RORA: variants seen among roughly 807,000 people sequenced by gnomAD.
RORA encodes RAR related orphan receptor A.
A neutral mutation model predicts 69.5 loss-of-function variants in RORA; 7 were observed. The ratio of observed to expected loss-of-function variants is 0.10; its 90% CI spans 0.06 to 0.19. The LOEUF is 0.19. Among genes scored for constraint, RORA ranks in the 10% least tolerant of loss-of-function variants. The probability of loss-of-function intolerance (pLI) is 1.00; values close to 1 mark genes in which losing one functional copy is unlikely to be tolerated. For synonymous variants in RORA, 261 were observed against 240.8 expected, an observed-to-expected ratio of 1.08 and a Z score of -0.78; for missense variants, 457 against 663.0, an observed-to-expected ratio of 0.69 and a Z score of 3.41.
At chr15:61,078,472 T>A (rs1204307907) in intron 1 of RORA, among the ~76,000 whole-genome samples, 1 of 152,108 alleles carries the variant, frequency 6.6e-6, no homozygotes, top group Non-Finnish European at 1.5e-5. Flanking sequence ...GTGTTGGGAT[T>A]ACAGGCATGA....
intron 1 of RORA, among the ~76,000 whole-genome samples, chr15:60,870,253 A>G (rs150928132): frequency 9.3e-4 from 142 of 152,342 alleles, no homozygotes; most frequent in African/African-American, 3.0e-3. Flanking sequence ...GGCTAAATAA[A>G]GGTAAATTAA....
At position 60,496,985 on chromosome 15, in the gene RORA, A is replaced by G. The variant is rs1366393310; in HGVS notation, c.*470T>C. ...CATGCCATCCTGCGGACTGGCAATA[A>G]TCGGTGAAAAAATAAAAACTTCCTT... is the stretch of plus-strand genomic sequence containing the variant. On this transcript the variant is annotated 3_prime_UTR_variant, in exon 11 of 11. Transcript: ENST00000335670. This position sits in a 1 kb window ranked among gnomAD's most constrained non-coding sequence, Gnocchi z 4.5. 2 of 154,278 alleles carry G rather than the reference A, an allele frequency of 1.3e-5. No individual in the cohort carries two copies. The highest frequency in any genetic ancestry group is 4.8e-5 in the African/African-American group (2 of 41,442). 9.6% of individuals were successfully genotyped at this position (154,278 alleles called of 1,614,324 possible).
intron 2 of RORA, among the ~76,000 whole-genome samples, chr15:60,644,731 T>C (rs868434890): frequency 3.9e-5 from 6 of 152,162 alleles, no homozygotes; most frequent in African/African-American, 1.4e-4. Context: ...CCGTGTTCTG[T>C]GGCTGGTGTG....
At chr15:60,773,572 C>T (rs1255075747) in intron 1 of RORA, among the ~76,000 whole-genome samples, 2 of 152,090 alleles carry the variant, frequency 1.3e-5, no homozygotes, top group African/African-American at 2.4e-5. Context: ...AGTGATACCC[C>T]GATAACTATT....
At chr15:61,113,762 A>G (rs945440858) in intron 1 of RORA, among the ~76,000 whole-genome samples, 2 of 152,186 alleles carry the variant, frequency 1.3e-5, no homozygotes, top group Admixed American at 1.3e-4. Flanking sequence ...AGAAGAAGGC[A>G]CATTTGGTTT....
At chr15:60,955,704 T>A (rs1043505872) in intron 1 of RORA, among the ~76,000 whole-genome samples, 28 of 152,190 alleles carry the variant, frequency 1.8e-4, no homozygotes, top group African/African-American at 6.5e-4. Flanking sequence ...TTGGCCCCCA[T>A]ATATGCTCTA....
rs112017127 is a variant in RORA at position 60,943,418 on chromosome 15, T to TA, written c.167-264733dup. 2.5e-3 allele frequency among the ~76,000 whole-genome samples: 377 copies of TA among 152,192 alleles called. 1 individual carries two copies. Among genetic ancestry groups the TA allele is most frequent in the African/African-American group, 8.8e-3 (366 of 41,468 alleles). On this transcript the variant is annotated intron_variant, in intron 1 of 10. Transcript: ENST00000335670. ...TCTGAGGCACTCTTGTTCTTTGCTG[T>TA]ATCAAGGTCATACTTAAAAAGAGAT...
chr15:60,612,661 G>GTTTTTTTTT (rs71122864), intron 2 of RORA, among the ~76,000 whole-genome samples: 4 of 107,146 alleles, frequency 3.7e-5, no homozygotes, highest in Non-Finnish European at 5.8e-5. Context: ...CTCTCTCTCT[G>GTTTTTTTTT]TTTTTTTTTT....
chr15:60,840,342 G>A (rs1199750468), intron 1 of RORA, among the ~76,000 whole-genome samples: 1 of 152,250 alleles, frequency 6.6e-6, no homozygotes, highest in African/African-American at 2.4e-5. Flanking sequence ...CACAGGCCTG[G>A]TGGAGATTGA....
At chr15:60,864,041 G>A (rs938516007) in intron 1 of RORA, among the ~76,000 whole-genome samples, 1 of 152,130 alleles carries the variant, frequency 6.6e-6, no homozygotes, top group Non-Finnish European at 1.5e-5. Context: ...TCCTGACCTC[G>A]TGATCCGCCT....
chr15:60,670,698 G>A (rs1014289338), intron 2 of RORA, among the ~76,000 whole-genome samples: 1 of 152,090 alleles, frequency 6.6e-6, no homozygotes, highest in Non-Finnish European at 1.5e-5. Context: ...AGGGATTTTG[G>A]CAGTCAAAGG....
intron 10 of RORA, 87 bp from the exon 11 acceptor site, chr15:60,497,706 G>T: frequency 9.3e-7 from 1 of 1,077,686 alleles, no homozygotes; most frequent in Non-Finnish European, 1.4e-6. Flanking sequence ...TTATGACATT[G>T]TTTATAATGG....
chr15:60,917,531 T>C (rs190941673), intron 1 of RORA, among the ~76,000 whole-genome samples: 177 of 152,210 alleles, frequency 1.2e-3, no homozygotes, highest in Non-Finnish European at 2.2e-3. Flanking sequence ...GCTGTCCCAC[T>C]TTTTCCCTCT....
chr15:60,571,323 T>TTGTGTG (rs370278407), intron 2 of RORA, among the ~76,000 whole-genome samples: 1 of 151,458 alleles, frequency 6.6e-6, no homozygotes, highest in Non-Finnish European at 1.5e-5. Flanking sequence ...TCCTGTGTTT[T>TTGTGTG]TGTGTGTGTG....
chr15:61,186,227 A>C (rs1310524246), intron 1 of RORA, among the ~76,000 whole-genome samples: 1 of 152,214 alleles, frequency 6.6e-6, no homozygotes, highest in Non-Finnish European at 1.5e-5. Context: ...AGGGTCATCT[A>C]AAAAGACATG....
At chr15:60,779,214 A>T (rs546740508) in intron 1 of RORA, among the ~76,000 whole-genome samples, 1 of 152,140 alleles carries the variant, frequency 6.6e-6, no homozygotes. Context: ...ATTAATGAAA[A>T]CCCGTCCTAG....
chr15:60,794,824 C>T (rs341432), intron 1 of RORA, among the ~76,000 whole-genome samples: 147 of 152,278 alleles, frequency 9.7e-4, no homozygotes, highest in African/African-American at 3.5e-3. Context: ...GGGTGCTGTG[C>T]CTCATGCGCC....
intron 1 of RORA, among the ~76,000 whole-genome samples, chr15:60,938,033 A>G (rs1281114284): frequency 1.3e-5 from 2 of 152,188 alleles, no homozygotes; most frequent in Non-Finnish European, 2.9e-5. Flanking sequence ...AACGAAAATT[A>G]GCAGAAGTAG....
intron 2 of RORA, among the ~76,000 whole-genome samples, chr15:60,591,723 C>G (rs1343753893): frequency 6.6e-6 from 1 of 152,130 alleles, no homozygotes. Flanking sequence ...CTCCCTGGGC[C>G]GCCCAGAGCG....
Sources: gnomAD v4.1 joint callset for allele counts (sites outside exome capture counted in the v4.1 genomes callset) on GRCh38, gnomAD v4.1.1 for gene constraint, Gnocchi (gnomAD v3.1) non-coding constraint, MANE v1.5 for transcripts, NCBI Gene and HGNC (gene_info 2026-07-23, HGNC 2026-07-21) for gene names.